INTS6: variants seen among roughly 807,000 people sequenced by gnomAD.
The protein encoded by INTS6 is integrator complex subunit 6, also known as DEAD box protein.
INTS6 carries 16 observed loss-of-function variants against 104.9 expected under a neutral mutation model. The observed-to-expected ratio is 0.15, with a 90% CI of 0.10 to 0.23. INTS6 has a LOEUF of 0.23. Among genes scored for constraint, INTS6 ranks in the 10% least tolerant of loss-of-function variants. The probability of loss-of-function intolerance (pLI) is 1.00; values close to 1 mark genes in which losing one functional copy is unlikely to be tolerated. For missense variants in INTS6, 584 were observed against 1,062.8 expected (o/e 0.55, Z 6.26); for synonymous variants, 324 against 358.7 (o/e 0.90, Z 1.09).
chr13:51,450,332 C>T, intron 3 of INTS6: 1 of 985,392 alleles, frequency 1.0e-6, no homozygotes, highest in Non-Finnish European at 1.2e-6. Context: ...AAGCTCCTCT[C>T]ATCCTCAAAT....
At chr13:51,397,233 T>C (rs1430843970) in intron 4 of INTS6, among the ~76,000 whole-genome samples, 6 of 152,354 alleles carry the variant, frequency 3.9e-5, no homozygotes, top group East Asian at 1.9e-4. Context: ...AGTTTCTTCA[T>C]TGACTTACAT....
rs1955662570 is a variant in INTS6, at chr13:51,365,232, T to A, written c.*520A>T. 6.6e-6 allele frequency: 1 copy of A among 152,554 alleles called. No homozygotes were observed. The highest frequency in any genetic ancestry group is 1.5e-5 in the Non-Finnish European group (1 of 68,004). The allele number at this position is 152,554 out of a possible 1,614,324, so 9.5% of individuals were successfully genotyped here. On this transcript the variant is annotated 3_prime_UTR_variant, in exon 18 of 18. Coordinates refer to ENST00000311234, the MANE Select transcript of INTS6 (RefSeq NM_012141.3). The stretch of plus-strand genomic sequence containing the variant: ...TTTCCTAAACCACACAAGAGTAAAA[T>A]AGAGCATTTATTGATGGAATAACAA...
At chr13:51,432,933 A>C (rs909667712) in intron 3 of INTS6, among the ~76,000 whole-genome samples, 4 of 152,226 alleles carry the variant, frequency 2.6e-5, no homozygotes, top group Admixed American at 2.0e-4. Context: ...CTTGGTCTCT[A>C]CCAGTATTTT....
At chr13:51,450,890 T>C (rs2138181253) in intron 3 of INTS6, 135 bp downstream of exon 3, 2 of 1,307,670 alleles carry the variant, frequency 1.5e-6, no homozygotes, top group East Asian at 2.8e-5. Context: ...AGTTTTGCCT[T>C]TGAACAATGT....
intron 3 of INTS6, among the ~76,000 whole-genome samples, chr13:51,435,424 T>C (rs1430891062): frequency 6.6e-6 from 1 of 152,032 alleles, no homozygotes; most frequent in Non-Finnish European, 1.5e-5. Flanking sequence ...CAAAACCTTT[T>C]ACTTCACTTA....
At chr13:51,420,614 G>A (rs1487386490) in intron 4 of INTS6, among the ~76,000 whole-genome samples, 1 of 151,908 alleles carries the variant, frequency 6.6e-6, no homozygotes, top group African/African-American at 2.4e-5. Flanking sequence ...TTGGTTCAAA[G>A]GTAGCTATGT....
At chr13:51,431,746 G>C (rs1409173550) in intron 3 of INTS6, among the ~76,000 whole-genome samples, 1 of 152,058 alleles carries the variant, frequency 6.6e-6, no homozygotes. Flanking sequence ...GGTTCCGGGG[G>C]AGAAAGATTC....
intron 3 of INTS6, chr13:51,444,616 G>C (rs907222424): frequency 6.6e-6 from 1 of 151,840 alleles, no homozygotes. Context: ...GAGGGTGGTG[G>C]CGGGAGCCTG....
chr13:51,408,803 A>G (rs1011388069), intron 4 of INTS6, among the ~76,000 whole-genome samples: 2 of 152,200 alleles, frequency 1.3e-5, no homozygotes, highest in East Asian at 1.9e-4. Flanking sequence ...CAAGGTTTCA[A>G]TGAGTTACCT....
In INTS6 at chr13:51,434,511, A is replaced by G. The variant is rs1032063622; in HGVS notation, c.340-4128T>C. ...CTAAGATTCTTTCCCCTCTAAGATTAAAGAGCTTAGTCAAGAATCACACTA... is the reference window on the plus strand; with the variant it reads ...CTAAGATTCTTTCCCCTCTAAGATTGAAGAGCTTAGTCAAGAATCACACTA... On this transcript the variant is annotated intron_variant, in intron 3 of 17. Transcript: ENST00000311234. 5.3e-5 allele frequency among the ~76,000 whole-genome samples: 8 copies of G among 152,282 alleles called. No homozygotes were observed. In the South Asian group the frequency reaches 1.7e-3, roughly 32 times the overall value.
chr13:51,357,297 G>C (rs1393109833), downstream of INTS6, among the ~76,000 whole-genome samples: 1 of 152,156 alleles, frequency 6.6e-6, no homozygotes, highest in Non-Finnish European at 1.5e-5. Flanking sequence ...CCAACAAATA[G>C]TTTCCTCATT....
At chr13:51,381,888 A>G (rs1956056278) in intron 10 of INTS6, 141 bp downstream of exon 10, 1 of 374,972 alleles carries the variant, frequency 2.7e-6, no homozygotes, top group African/African-American at 2.2e-5. Flanking sequence ...TTTTTAGTAG[A>G]AACGGGGTTT....
intron 4 of INTS6, among the ~76,000 whole-genome samples, chr13:51,396,871 G>T (rs576865101): frequency 1.2e-4 from 19 of 152,272 alleles, no homozygotes; most frequent in African/African-American, 3.8e-4. Context: ...GAAGATTTTT[G>T]AGACAATCAG....
At chr13:51,348,287 T>C in the INTS6 span, 3 of 1,611,692 alleles carry the variant, frequency 1.9e-6, no homozygotes, top group East Asian at 4.5e-5. Context: ...AGTGAGTCTG[T>C]TCCTGGTGCT....
chr13:51,437,160 A>G (rs1328657628), intron 3 of INTS6: 1 of 152,236 alleles, frequency 6.6e-6, no homozygotes, highest in Non-Finnish European at 1.5e-5. Context: ...ATAAAAACCA[A>G]GATGTAAACA....
chr13:51,440,895 T>C lies in INTS6; in HGVS notation c.339+10130A>G, dbSNP rs1365853118. ...TGTTAAGCGATACATAACTGTATGA[T>C]AGGTTATGGAACAACCTTAATTCTG... On this transcript the variant is annotated intron_variant, in intron 3 of 17. Transcript: ENST00000311234. 5 of 152,214 alleles carry C rather than the reference T, an allele frequency of 3.3e-5. No homozygotes were observed. The East Asian group carries it at 5.8e-4, about 18-fold the overall frequency. The allele number at this position is 152,214 out of a possible 1,614,324, so 9.4% of individuals were successfully genotyped here.
rs753983568 is a variant in INTS6, at chr13:51,374,436, T to C, written c.1876A>G (p.Met626Val). 1 of 1,553,284 alleles carries C rather than the reference T, an allele frequency of 6.4e-7. No individual in the cohort carries two copies. Among genetic ancestry groups the C allele is most frequent in the South Asian group, 1.1e-5 (1 of 89,942 alleles). The change falls in exon 15 of 18, where the codon ATG becomes GTG. Residue 626 changes from methionine to valine, a missense_variant. Met to Val is a conservative substitution (Grantham distance 21). Coordinates refer to ENST00000311234, the MANE Select transcript of INTS6 (RefSeq NM_012141.3). ...GNPFKLDKKG[M>V]MIDEADEFVA... The stretch of plus-strand genomic sequence containing the variant: ...AATTCATCTGCTTCATCTATCATCA[T>C]ACCCTTTAGCAAAAAAGAATACAAC...
intron 5 of INTS6, among the ~76,000 whole-genome samples, chr13:51,393,405 A>G (rs187212032): frequency 8.9e-4 from 135 of 152,286 alleles, no homozygotes; most frequent in African/African-American, 2.9e-3. Flanking sequence ...ATGCACAGGA[A>G]TTGTTAGCAG....
At position 51,395,354 on chromosome 13, in the gene INTS6, T is replaced by C. The variant is rs751375687; in HGVS notation, c.559A>G (p.Thr187Ala). 6.2e-7 allele frequency: 1 copy of C among 1,613,794 alleles called. No individual in the cohort carries two copies. The highest frequency in any genetic ancestry group is 8.5e-7 in the Non-Finnish European group (1 of 1,179,870). The change falls in exon 5 of 18, where the codon ACA (threonine) becomes GCA (alanine). Residue 187 changes from threonine (T) to alanine (A), a missense_variant. Thr to Ala is a moderately conservative substitution (Grantham distance 58). Coordinates refer to ENST00000311234, the MANE Select transcript of INTS6 (RefSeq NM_012141.3). ...GTMSVESEQL[T>A]GVPLDDSAIT... The stretch of plus-strand genomic sequence containing the variant: ...GCAGAGTCATCTAAAGGCACACCTG[T>C]CAACTGTTCTGATTCTACTGACATG...
Sources: gnomAD v4.1 joint callset for allele counts (sites outside exome capture counted in the v4.1 genomes callset) on GRCh38, gnomAD v4.1.1 for gene constraint, MANE v1.5 for transcripts, NCBI Gene and HGNC (gene_info 2026-07-23, HGNC 2026-07-21) for gene names.